The following EPB41L5 variants were observed in gnomAD, a reference collection of about 807,000 sequenced individuals.
EPB41L5 encodes band 4.1-like protein 5.
Under a neutral mutation model 106.6 loss-of-function variants are expected in EPB41L5, and 55 were observed. The ratio of observed to expected loss-of-function variants is 0.52; its 90% CI spans 0.42 to 0.65. EPB41L5 has a LOEUF of 0.65. Ranked by LOEUF, EPB41L5 falls within the 30% of genes least tolerant of loss-of-function variation. The pLI is 0.00. For missense variants in EPB41L5, 871 were observed against 882.1 expected, an observed-to-expected ratio of 0.99 and a Z score of 0.16; for synonymous variants, 297 against 306.7, an observed-to-expected ratio of 0.97 and a Z score of 0.33.
chr2:120,092,980 C>T (rs1338554564), intron 13 of EPB41L5, among the ~76,000 whole-genome samples: 1 of 152,180 alleles, frequency 6.6e-6, no homozygotes, highest in Non-Finnish European at 1.5e-5. Flanking sequence ...GTGGCTCACA[C>T]CTTTAATCCC....
intron 24 of EPB41L5, among the ~76,000 whole-genome samples, chr2:120,171,614 T>A (rs914454949): frequency 1.5e-4 from 23 of 152,196 alleles, no homozygotes; most frequent in Non-Finnish European, 3.1e-4. Flanking sequence ...TATAAATGTC[T>A]GAGTTGAAAA....
At chr2:120,065,312 G>A (rs367568179) in intron 3 of EPB41L5, among the ~76,000 whole-genome samples, 7 of 151,456 alleles carry the variant, frequency 4.6e-5, no homozygotes, top group East Asian at 1.9e-4. Context: ...TTTGGAGACC[G>A]GTCTTACTAT....
At chr2:120,102,280 TAGAA>T (rs755415196) in intron 16 of EPB41L5, among the ~76,000 whole-genome samples, 40 of 152,308 alleles carry the variant, frequency 2.6e-4, no homozygotes, top group Admixed American at 8.5e-4. Context: ...ATGCATCCTT[TAGAA>T]AGAGCATTGA....
At chr2:120,150,841 C>G (rs1219065186) in intron 20 of EPB41L5, among the ~76,000 whole-genome samples, 1 of 152,098 alleles carries the variant, frequency 6.6e-6, no homozygotes, top group Non-Finnish European at 1.5e-5. Flanking sequence ...AGTGATCAGC[C>G]TTTTGATGCA....
intron 21 of EPB41L5, among the ~76,000 whole-genome samples, chr2:120,163,980 CTTTTTTT>C (rs70949387): frequency 3.7e-4 from 25 of 68,140 alleles, no homozygotes; most frequent in East Asian, 4.8e-4. Context: ...TTTGTATTTA[CTTTTTTT>C]TTTTTTTTTT....
intron 3 of EPB41L5, among the ~76,000 whole-genome samples, chr2:120,066,364 T>C: frequency 6.6e-6 from 1 of 152,300 alleles, no homozygotes. Flanking sequence ...TAATAGAAAA[T>C]TGTATATCTT....
chr2:120,034,601 G>A (rs539301807), intron 2 of EPB41L5, among the ~76,000 whole-genome samples: 32 of 151,890 alleles, frequency 2.1e-4, no homozygotes, highest in South Asian at 1.9e-3. Context: ...GTGTGACCAC[G>A]CCTATAACCC....
At chr2:120,095,592 C>T (rs528184982) in intron 14 of EPB41L5, among the ~76,000 whole-genome samples, 16 of 151,482 alleles carry the variant, frequency 1.1e-4, no homozygotes, top group Non-Finnish European at 2.1e-4. Flanking sequence ...GTTTCACTGG[C>T]GAGAGTATCT....
At chr2:120,080,353 C>T (rs13425120) in intron 10 of EPB41L5, among the ~76,000 whole-genome samples, 155 of 151,926 alleles carry the variant, frequency 1.0e-3, no homozygotes, top group African/African-American at 3.6e-3. Flanking sequence ...TGAGAACATG[C>T]GGTGTTTGGT....
intron 2 of EPB41L5, among the ~76,000 whole-genome samples, chr2:120,031,973 C>CA (rs1423620260): frequency 9.4e-4 from 143 of 151,802 alleles, no homozygotes; most frequent in African/African-American, 3.4e-3. Flanking sequence ...TCCATCTCTA[C>CA]AAAAAAAATT....
intron 16 of EPB41L5, chr2:120,106,919 A>G (rs1469811074): frequency 3.1e-6 from 3 of 956,104 alleles, no homozygotes; most frequent in East Asian, 1.2e-4. Flanking sequence ...TTGTCCTACT[A>G]TGTGTATAAT....
chr2:120,103,332 T>A (rs1209398778), intron 16 of EPB41L5, among the ~76,000 whole-genome samples: 1 of 152,242 alleles, frequency 6.6e-6, no homozygotes, highest in African/African-American at 2.4e-5. Flanking sequence ...CTTAGAATTC[T>A]ATAGGCCTTT....
intron 16 of EPB41L5, among the ~76,000 whole-genome samples, chr2:120,126,992 TTCTA>T (rs777545374): frequency 1.1e-4 from 16 of 152,204 alleles, no homozygotes; most frequent in Non-Finnish European, 1.9e-4. Context: ...ATTCCTAAGT[TTCTA>T]TCCCTTTTGA....
rs149512433 is a variant in EPB41L5 at position 120,024,106 on chromosome 2, A to G, written c.180+4842A>G. Among the ~76,000 whole-genome samples, 876 of 152,302 alleles carry G rather than the reference A, an allele frequency of 5.8e-3. 7 individuals carry two copies. The highest frequency in any genetic ancestry group is 0.02 in the African/African-American group (838 of 41,564). On this transcript the variant is annotated intron_variant, in intron 2 of 24. Coordinates refer to ENST00000263713, the MANE Select transcript of EPB41L5 (RefSeq NM_020909.4). Reference sequence around the variant, plus strand: ...AGACAGTGGGGTTTTCTAGATATACAATCATGTCATCTGCAAACAGAGGCA... The same window carrying G: ...AGACAGTGGGGTTTTCTAGATATACGATCATGTCATCTGCAAACAGAGGCA...
chr2:120,021,383 G>A (rs1305260057), intron 2 of EPB41L5, among the ~76,000 whole-genome samples: 1 of 151,894 alleles, frequency 6.6e-6, no homozygotes, highest in African/African-American at 2.4e-5. Flanking sequence ...AGTGGCTCAC[G>A]CCGGTAATCG....
intron 2 of EPB41L5, among the ~76,000 whole-genome samples, chr2:120,030,642 C>T (rs1256664003): frequency 6.6e-6 from 1 of 152,198 alleles, no homozygotes; most frequent in South Asian, 2.1e-4. Flanking sequence ...CAACTCCCGC[C>T]TCCCGGGTTC....
intron 21 of EPB41L5, 35 bp from the exon 22 acceptor site, chr2:120,164,801 G>A (rs778718578): frequency 6.8e-7 from 1 of 1,474,028 alleles, no homozygotes; most frequent in South Asian, 1.2e-5. Flanking sequence ...TGATAAAGGG[G>A]TCATTTAACA....
chr2:120,145,338 C>T lies in EPB41L5; in HGVS notation c.1729-887C>T, dbSNP rs1017155980. ...AACAGATGATTGTGATGTATCTATA[C>T]AATGAAATGTCTGAATAAAAAGGAA... On this transcript the variant is annotated intron_variant, in intron 19 of 24. Coordinates refer to ENST00000263713, the MANE Select transcript of EPB41L5 (RefSeq NM_020909.4). Among the ~76,000 whole-genome samples the T allele has an allele frequency of 2.7e-4, 41 of 152,122 alleles. 1 individual carries two copies. Among genetic ancestry groups the T allele is most frequent in the African/African-American group, 8.0e-4 (33 of 41,402 alleles).
intron 3 of EPB41L5, among the ~76,000 whole-genome samples, chr2:120,056,261 C>G (rs1680642376): frequency 6.6e-6 from 1 of 151,190 alleles, no homozygotes; most frequent in Admixed American, 6.6e-5. Flanking sequence ...GTTGAACCAA[C>G]CTTGAATTTT....
Sources: gnomAD v4.1 joint callset for allele counts (sites outside exome capture counted in the v4.1 genomes callset) on GRCh38, gnomAD v4.1.1 for gene constraint, MANE v1.5 for transcripts, NCBI Gene and HGNC (gene_info 2026-07-23, HGNC 2026-07-21) for gene names.